The following FOXN3 variants were observed in gnomAD, a reference collection of about 807,000 sequenced individuals.
The protein encoded by FOXN3 is forkhead box N3.
Under a neutral mutation model 38.4 loss-of-function variants are expected in FOXN3, and 7 were observed. The observed-to-expected ratio is 0.18, with a 90% confidence interval of 0.10 to 0.34. The LOEUF (loss-of-function observed/expected upper bound fraction) is 0.34. FOXN3 is among the 10% of genes least tolerant of loss of function. FOXN3 has a pLI of 1.00. For synonymous variants in FOXN3, 230 were observed against 242.2 expected (o/e 0.95, Z 0.47); for missense variants, 456 against 613.4 (o/e 0.74, Z 2.71).
chr14:89,391,745 C>T (rs766691080), intron 2 of FOXN3, among the ~76,000 whole-genome samples: 13 of 152,150 alleles, frequency 8.5e-5, no homozygotes, highest in Non-Finnish European at 8.8e-5. Flanking sequence ...TGGCTCATGC[C>T]TGTAATCCTG....
rs192679905 is a variant in FOXN3, at chr14:89,602,560, G to A, written c.-15+16468C>T. ...CGCCCAGGCTGGAGTGCAGTGGCGC[G>A]ATCTCGGCTCACTGCAACCTCCGCC... On this transcript the variant is annotated intron_variant, in intron 1 of 6. Coordinates refer to the FOXN3 transcript ENST00000345097. Among the ~76,000 whole-genome samples the A allele has an allele frequency of 6.7e-4, 102 of 151,640 alleles. 2 individuals are homozygous for A. In the East Asian group the frequency reaches 0.019, roughly 28 times the overall value.
At chr14:89,324,543 A>G (rs910483369) in intron 3 of FOXN3, among the ~76,000 whole-genome samples, 1 of 152,080 alleles carries the variant, frequency 6.6e-6, no homozygotes, top group African/African-American at 2.4e-5. Context: ...ACATGAGAAA[A>G]TAACAGCAGA....
intron 1 of FOXN3, among the ~76,000 whole-genome samples, chr14:89,415,883 C>CACACACACACACACACACA (rs60129607): frequency 3.1e-4 from 46 of 148,186 alleles, no homozygotes; most frequent in South Asian, 8.8e-4. Flanking sequence ...CACACACACA[C>CACACACACACACACACACA]CCTCTTTTGT....
intron 4 of FOXN3, among the ~76,000 whole-genome samples, chr14:89,258,758 C>A (rs888287769): frequency 5.3e-5 from 8 of 152,222 alleles, no homozygotes; most frequent in Non-Finnish European, 1.5e-5. Context: ...GTAGCTTCTT[C>A]TAAACCACAT....
intron 1 of FOXN3, among the ~76,000 whole-genome samples, chr14:89,551,490 C>G (rs182669485): frequency 6.6e-6 from 1 of 152,082 alleles, no homozygotes; most frequent in Admixed American, 6.6e-5. Context: ...CTCACAGCCC[C>G]GACAAAAAAG....
rs140397228 is a variant in FOXN3 at position 89,214,263 on chromosome 14, C to T, written c.746-33457G>A. Reference sequence around the variant, plus strand: ...TCATCTGTGAAGCAAGCTCCGTCATCCTCAGCTCCACCCGATGTTGAAAGA... The same window carrying T: ...TCATCTGTGAAGCAAGCTCCGTCATTCTCAGCTCCACCCGATGTTGAAAGA... On this transcript the variant is annotated intron_variant, in intron 4 of 5. Transcript: ENST00000557258. Among the ~76,000 whole-genome samples the T allele has an allele frequency of 1.7e-3, 256 of 152,346 alleles. 1 individual carries two copies. Among genetic ancestry groups the T allele is most frequent in the African/African-American group, 5.9e-3 (246 of 41,580 alleles).
intron 2 of FOXN3, chr14:89,364,462 C>A (rs1484764395): frequency 2.0e-5 from 3 of 152,140 alleles, no homozygotes; most frequent in Non-Finnish European, 4.4e-5. Context: ...CTCAGTGTAG[C>A]CCTAGTTCCT....
intron 1 of FOXN3, among the ~76,000 whole-genome samples, chr14:89,483,207 A>C (rs1893376104): frequency 6.6e-6 from 1 of 152,122 alleles, no homozygotes; most frequent in South Asian, 2.1e-4. Context: ...ACTCTGTCTC[A>C]AAAAAGAAAA....
At chr14:89,574,353 G>A (rs571643087) in intron 1 of FOXN3, among the ~76,000 whole-genome samples, 13 of 152,332 alleles carry the variant, frequency 8.5e-5, no homozygotes, top group African/African-American at 2.2e-4. Flanking sequence ...GGACATATTC[G>A]TTCCATGGTT....
intron 4 of FOXN3, among the ~76,000 whole-genome samples, chr14:89,216,450 T>C (rs1270985004): frequency 6.6e-6 from 1 of 152,066 alleles, no homozygotes; most frequent in Non-Finnish European, 1.5e-5. Context: ...TCCCACAACC[T>C]AACCCGGGTG....
At chr14:89,390,489 T>TAAAA (rs1890913145) in intron 2 of FOXN3, among the ~76,000 whole-genome samples, 1 of 118,438 alleles carries the variant, frequency 8.4e-6, no homozygotes, top group South Asian at 3.5e-4. Flanking sequence ...AAGCTGCTTT[T>TAAAA]TAAAAAAAAA....
rs371067552 is a variant in FOXN3, at chr14:89,489,802, C to T, written c.-14-77312G>A. 1.9e-3 allele frequency among the ~76,000 whole-genome samples: 285 copies of T among 152,314 alleles called. 2 individuals carry two copies. Among genetic ancestry groups the T allele is most frequent in the African/African-American group, 6.6e-3 (273 of 41,566 alleles). On this transcript the variant is annotated intron_variant, in intron 1 of 6. Transcript: ENST00000345097. The stretch of plus-strand genomic sequence containing the variant: ...GAAGAGGCACACATTTACACAGAAA[C>T]CAAGAGTTCCTCTTAAAAAGCCTGT...
intron 1 of FOXN3, among the ~76,000 whole-genome samples, chr14:89,470,338 A>G (rs1893068638): frequency 6.6e-6 from 1 of 151,132 alleles, no homozygotes; most frequent in African/African-American, 2.4e-5. Flanking sequence ...TCTTTTTCTT[A>G]TCTCACTGCC....
chr14:89,327,190 A>G (rs1276688025), intron 3 of FOXN3, among the ~76,000 whole-genome samples: 1 of 152,252 alleles, frequency 6.6e-6, no homozygotes, highest in African/African-American at 2.4e-5. Context: ...ATGTTTCCTT[A>G]GAAAAGGTGA....
intron 1 of FOXN3, among the ~76,000 whole-genome samples, chr14:89,536,671 G>A (rs1344402945): frequency 6.6e-6 from 1 of 152,072 alleles, no homozygotes; most frequent in Non-Finnish European, 1.5e-5. Flanking sequence ...CCAGCTATTT[G>A]GGAGGCTGAG....
chr14:89,508,228 A>G (rs1229066391), intron 1 of FOXN3, among the ~76,000 whole-genome samples: 1 of 152,180 alleles, frequency 6.6e-6, no homozygotes, highest in African/African-American at 2.4e-5. Context: ...AATGATGGGA[A>G]TTTGGCCTAT....
intron 4 of FOXN3, among the ~76,000 whole-genome samples, chr14:89,243,501 G>T (rs573976071): frequency 6.6e-6 from 1 of 152,276 alleles, no homozygotes; most frequent in South Asian, 2.1e-4. Context: ...AGATACAGTT[G>T]TGACAACCCG....
chr14:89,238,257 C>G (rs1022573794), intron 4 of FOXN3, among the ~76,000 whole-genome samples: 10 of 152,196 alleles, frequency 6.6e-5, no homozygotes, highest in African/African-American at 2.4e-4. Flanking sequence ...TCAATGGTAA[C>G]TGTGTTTACC....
At chr14:89,384,164 C>T (rs1258708400) in intron 2 of FOXN3, among the ~76,000 whole-genome samples, 1 of 152,170 alleles carries the variant, frequency 6.6e-6, no homozygotes. Context: ...CCCCAAGGGA[C>T]TGGTGGTGGC....
Sources: allele counts gnomAD v4.1 joint callset (sites outside exome capture counted in the v4.1 genomes callset), GRCh38; gene constraint gnomAD v4.1.1; transcripts MANE v1.5; gene names NCBI Gene and HGNC (gene_info 2026-07-23, HGNC 2026-07-21).